The following CSMD1 variants were observed in gnomAD, a reference collection of about 807,000 sequenced individuals.
CSMD1 encodes the protein CUB and sushi domain-containing protein 1.
CSMD1 carries 213 observed loss-of-function variants against 417.5 expected under a neutral mutation model. The ratio of observed to expected loss-of-function variants is 0.51; its 90% CI spans 0.46 to 0.57. The LOEUF (loss-of-function observed/expected upper bound fraction) is 0.57. Among genes scored for constraint, CSMD1 ranks in the 20% least tolerant of loss-of-function variants. The probability of loss-of-function intolerance (pLI) is 0.00; values close to 1 mark genes in which losing one functional copy is unlikely to be tolerated. For synonymous variants in CSMD1, 2,862 were observed against 1,736.8 expected (o/e 1.65, Z -16.11); for missense variants, 6,923 against 4,529.7 (o/e 1.53, Z -15.17).
chr8:3,924,232 G>T (rs1423398486), intron 5 of CSMD1, among the ~76,000 whole-genome samples: 4 of 152,164 alleles, frequency 2.6e-5, no homozygotes, highest in Non-Finnish European at 5.9e-5. Flanking sequence ...CTGGTCTTCA[G>T]AAAGATGCTG....
At chr8:4,053,963 C>G (rs1798564529) in intron 3 of CSMD1, among the ~76,000 whole-genome samples, 1 of 152,120 alleles carries the variant, frequency 6.6e-6, no homozygotes, top group Non-Finnish European at 1.5e-5. Context: ...TATTACCGTG[C>G]ATTCAAAAGT....
chr8:4,024,757 T>C (rs1370879637), intron 4 of CSMD1, among the ~76,000 whole-genome samples: 1 of 152,178 alleles, frequency 6.6e-6, no homozygotes, highest in Non-Finnish European at 1.5e-5. Context: ...CTCTGTGAAG[T>C]ACGGCATACA....
At chr8:3,372,299 G>T (rs1477363014) in intron 18 of CSMD1, among the ~76,000 whole-genome samples, 1 of 152,190 alleles carries the variant, frequency 6.6e-6, no homozygotes, top group Non-Finnish European at 1.5e-5. Context: ...ACAGGGAACA[G>T]AAAGGACACC....
chr8:4,466,737 T>A (rs1800193477), intron 2 of CSMD1, among the ~76,000 whole-genome samples: 1 of 152,046 alleles, frequency 6.6e-6, no homozygotes, highest in African/African-American at 2.4e-5. Context: ...AAATACATAT[T>A]TCCAATAATA....
At chr8:4,942,104 C>A (rs1346616141) in intron 1 of CSMD1, among the ~76,000 whole-genome samples, 1 of 152,190 alleles carries the variant, frequency 6.6e-6, no homozygotes, top group African/African-American at 2.4e-5. Flanking sequence ...TAACATTCCA[C>A]AATTCCTAAA....
intron 3 of CSMD1, among the ~76,000 whole-genome samples, chr8:4,260,491 C>T (rs1803801517): frequency 6.6e-6 from 1 of 152,044 alleles, no homozygotes; most frequent in Admixed American, 6.6e-5. Context: ...GAAGTAAATA[C>T]AAGGCAAACA....
chr8:4,246,665 A>G (rs1802731505), intron 3 of CSMD1, among the ~76,000 whole-genome samples: 3 of 152,148 alleles, frequency 2.0e-5, no homozygotes. Context: ...CAAAAGAAAC[A>G]AAAAACAACT....
chr8:3,630,895 C>T (rs1056530877), intron 7 of CSMD1, among the ~76,000 whole-genome samples: 5 of 152,260 alleles, frequency 3.3e-5, no homozygotes, highest in Admixed American at 3.3e-4. Context: ...GCATGTGTGT[C>T]TGGATTAGAG....
rs1448363040 is a variant in CSMD1, at chr8:3,018,585, C to T, written c.7921G>A (p.Gly2641Arg). Residue 2641 changes from glycine (G) to arginine (R), a missense_variant, in exon 52 of 70, where the codon GGG becomes AGG. Physicochemically the swap from Gly to Arg is moderately radical, Grantham distance 125. Transcript: ENST00000635120. ...GNKIGTLTVYGATAIFTCNTG... is the reference protein window; with the variant it reads ...GNKIGTLTVYRATAIFTCNTG... ...TTGCACGTAAATATAGCTGTGGCCC[C>T]ATAAACTGTCAACGTTCCAATCTTG... 3 of 1,613,486 alleles carry T rather than the reference C, an allele frequency of 1.9e-6. No individual in the cohort carries two copies. Among genetic ancestry groups the T allele is most frequent in the African/African-American group, 2.7e-5 (2 of 74,788 alleles).
At chr8:4,337,817 A>T (rs941865167) in intron 3 of CSMD1, among the ~76,000 whole-genome samples, 1 of 152,194 alleles carries the variant, frequency 6.6e-6, no homozygotes, top group Non-Finnish European at 1.5e-5. Context: ...CAGTAGAATA[A>T]ATCAGGTAAT....
chr8:3,778,720 C>T (rs1378987452), intron 5 of CSMD1, among the ~76,000 whole-genome samples: 2 of 152,212 alleles, frequency 1.3e-5, no homozygotes, highest in African/African-American at 4.8e-5. Context: ...GCACCGCTTC[C>T]TTTCTGCAGG....
intron 3 of CSMD1, among the ~76,000 whole-genome samples, chr8:4,055,364 G>A (rs955740811): frequency 1.3e-5 from 2 of 151,594 alleles, no homozygotes; most frequent in Admixed American, 6.6e-5. Flanking sequence ...TATAATTATT[G>A]TAAATTTCAC....
At chr8:4,032,397 G>A (rs530030506) in intron 3 of CSMD1, among the ~76,000 whole-genome samples, 1 of 151,944 alleles carries the variant, frequency 6.6e-6, no homozygotes, top group Non-Finnish European at 1.5e-5. Context: ...TATTTTTCTA[G>A]TCACAAAATT....
intron 2 of CSMD1, among the ~76,000 whole-genome samples, chr8:4,618,798 C>T (rs1482020770): frequency 6.6e-6 from 1 of 152,158 alleles, no homozygotes; most frequent in Non-Finnish European, 1.5e-5. Context: ...TTTCTGACTT[C>T]ACTGTTCAGA....
At chr8:4,191,046 A>G (rs1052534238) in intron 3 of CSMD1, among the ~76,000 whole-genome samples, 2 of 152,108 alleles carry the variant, frequency 1.3e-5, no homozygotes, top group African/African-American at 4.8e-5. Context: ...CCCCCATGAC[A>G]CCAGTTTACC....
rs978942123 is a variant in CSMD1, at chr8:4,787,725, A to C, written c.86-150167T>G. 1.4e-5 allele frequency: 23 copies of C among 1,590,162 alleles called. No homozygotes were observed. The African/African-American group carries it at 2.6e-4, about 18-fold the overall frequency. On this transcript the variant is annotated intron_variant, in intron 1 of 69. Transcript: ENST00000635120. ...TCAAGGATGCTGCCAATAATGACCC[A>C]CAGTGGTCTGAGGAACAGCTGATTG...
intron 3 of CSMD1, among the ~76,000 whole-genome samples, chr8:4,271,744 A>G (rs970196588): frequency 1.3e-5 from 2 of 152,182 alleles, no homozygotes; most frequent in African/African-American, 4.8e-5. Context: ...TGATTAATAT[A>G]CTTATACATA....
At chr8:3,730,880 A>G (rs1796210666) in intron 6 of CSMD1, among the ~76,000 whole-genome samples, 1 of 152,212 alleles carries the variant, frequency 6.6e-6, no homozygotes, top group African/African-American at 2.4e-5. Flanking sequence ...GAGTGCTTTT[A>G]GCCACTATAA....
chr8:4,092,358 C>T (rs895447802), intron 3 of CSMD1, among the ~76,000 whole-genome samples: 1 of 152,164 alleles, frequency 6.6e-6, no homozygotes, highest in Admixed American at 6.6e-5. Flanking sequence ...TGACGTGACA[C>T]TTCAGCCACC....
Sources: allele counts gnomAD v4.1 joint callset (sites outside exome capture counted in the v4.1 genomes callset), GRCh38; gene constraint gnomAD v4.1.1; transcripts MANE v1.5; gene names NCBI Gene and HGNC (gene_info 2026-07-23, HGNC 2026-07-21).